TASOR: variants seen among roughly 807,000 people sequenced by gnomAD.
TASOR encodes the protein transcription activation suppressor.
A neutral mutation model predicts 178.6 loss-of-function variants in TASOR; 53 were observed. The observed-to-expected ratio is 0.30, with a 90% CI of 0.24 to 0.37. The LOEUF (loss-of-function observed/expected upper bound fraction) is 0.37, where lower values mean the gene tolerates loss of function less well. Ranked by LOEUF, TASOR falls within the 10% of genes least tolerant of loss-of-function variation. The pLI is 1.00. For missense variants in TASOR, 1,815 were observed against 1,971.4 expected (o/e 0.92, Z 1.50); for synonymous variants, 713 against 696.2 (o/e 1.02, Z -0.38).
intron 11 of TASOR, among the ~76,000 whole-genome samples, chr3:56,659,704 C>T (rs2077551073): frequency 1.3e-5 from 2 of 152,108 alleles, no homozygotes; most frequent in East Asian, 1.9e-4. Context: ...TCAATGCACA[C>T]CCTTGAAAAT....
At position 56,682,867 on chromosome 3, in the gene TASOR, T is replaced by C. The variant is rs1016190148; in HGVS notation, c.140A>G (p.Asn47Ser). The C allele has an allele frequency of 2.3e-5, 35 of 1,549,530 alleles. No homozygotes were observed. The highest frequency in any genetic ancestry group is 3.0e-5 in the Non-Finnish European group (34 of 1,146,380). The change falls in exon 1 of 24, where the codon AAC (asparagine) becomes AGC (serine). Residue 47 changes from asparagine (N) to serine (S), a missense_variant. Asn to Ser is a conservative substitution (Grantham distance 46, BLOSUM62 1). Coordinates refer to ENST00000683822, the MANE Select transcript of TASOR (RefSeq NM_001365635.2). ...SQQNGGGGGLNIAEPSGGAGR... is the reference protein window; with the variant it reads ...SQQNGGGGGLSIAEPSGGAGR... ...AGCGCCGCCGCTGGGCTCAGCGATG[T>C]TGAGGCCGCCGCCGCCGCCATTTTG...
chr3:56,670,761 C>T (rs1023275330), intron 3 of TASOR, among the ~76,000 whole-genome samples: 1 of 151,152 alleles, frequency 6.6e-6, no homozygotes, highest in Admixed American at 6.6e-5. Context: ...CATGGGGAAA[C>T]CCCAACTCTA....
At chr3:56,678,901 C>T (rs2031555083) in intron 1 of TASOR, among the ~76,000 whole-genome samples, 1 of 151,240 alleles carries the variant, frequency 6.6e-6, no homozygotes, top group South Asian at 2.1e-4. Flanking sequence ...ATCCGAACTA[C>T]TGGGGGAGGC....
chr3:56,628,492 C>A lies in TASOR; in HGVS notation c.3870G>T (p.Lys1290Asn). The A allele has an allele frequency of 6.3e-7, 1 of 1,598,656 alleles. No homozygotes were observed. The highest frequency in any genetic ancestry group is 8.5e-7 in the Non-Finnish European group (1 of 1,173,390). ...QNEDIAGFIH[K>N]IPGLVTLKKL... ...TAGTGAATTTGACTTAATAGTCTAC[C>A]TTGTGAATGAAACCTGCAATGTCTT... The change falls in exon 19 of 24, where the codon AAG (lysine) becomes AAT (asparagine). Residue 1290 changes from lysine to asparagine, a missense_variant and splice_region_variant. Coordinates refer to ENST00000683822, the MANE Select transcript of TASOR (RefSeq NM_001365635.2).
chr3:56,627,860 A>C, intron 19 of TASOR, 119 bp from the exon 20 acceptor site: 3 of 818,910 alleles, frequency 3.7e-6, no homozygotes, highest in Non-Finnish European at 5.8e-6. Context: ...ATATTAGTGG[A>C]TTACCTCTGG....
chr3:56,660,560 A>C (rs1197214152), intron 11 of TASOR, among the ~76,000 whole-genome samples, 171 bp downstream of exon 11: 1 of 152,056 alleles, frequency 6.6e-6, no homozygotes, highest in African/African-American at 2.4e-5. Flanking sequence ...CCATGGCCCA[A>C]ATAAAAGAAT....
chr3:56,682,776 G>C lies in TASOR; in HGVS notation c.231C>G (p.Ser77=), dbSNP rs771642376. The change falls in exon 1 of 24, where the codon TCC becomes TCG. Residue 77 remains serine, a synonymous_variant. Transcript: ENST00000683822. ...GCAGGGCGGCCGCGCCCGCCTCAGA[G>C]GAGTCCTGAGGCTGCTCGTGGCTGA... ...QSLSHEQPQD[S]SEAGAAALPR... 6.5e-7 allele frequency: 1 copy of C among 1,549,698 alleles called. No individual in the cohort carries two copies. Among genetic ancestry groups the C allele is most frequent in the African/African-American group, 1.4e-5 (1 of 72,930 alleles).
At chr3:56,682,049 T>G (rs2031838826) in intron 1 of TASOR, among the ~76,000 whole-genome samples, 1 of 152,168 alleles carries the variant, frequency 6.6e-6, no homozygotes, top group Admixed American at 6.5e-5. Context: ...AGTTCGAATT[T>G]AAAGAGAGAA....
At chr3:56,665,216 A>G (rs577708546) in intron 7 of TASOR, among the ~76,000 whole-genome samples, 37 of 152,316 alleles carry the variant, frequency 2.4e-4, no homozygotes, top group Admixed American at 2.2e-3. Context: ...GAAAATCAGA[A>G]TCACCTGGAA....
chr3:56,643,703 C>T (rs1486182127), intron 14 of TASOR, among the ~76,000 whole-genome samples: 2 of 148,982 alleles, frequency 1.3e-5, no homozygotes, highest in Admixed American at 6.8e-5. Context: ...TGCAGTGAGC[C>T]GAGATTGTGC....
chr3:56,677,806 T>C (rs914537882), intron 1 of TASOR, among the ~76,000 whole-genome samples: 4 of 152,200 alleles, frequency 2.6e-5, no homozygotes, highest in Admixed American at 6.5e-5. Flanking sequence ...CTGATTTTAA[T>C]TTTCCTCTAG....
In TASOR at chr3:56,673,326, G is replaced by A. The variant is rs556433238; in HGVS notation, c.477+254C>T. 9.9e-5 allele frequency among the ~76,000 whole-genome samples: 15 copies of A among 150,898 alleles called. No homozygotes were observed. In the East Asian group the frequency reaches 3.0e-3, roughly 30 times the overall value. ...ACATGACTGTAATCCCAGCTACTTTGGAGGCTGAGGCAGGAGAACTGCTTG... is the reference window on the plus strand; with the variant it reads ...ACATGACTGTAATCCCAGCTACTTTAGAGGCTGAGGCAGGAGAACTGCTTG... On this transcript the variant is annotated intron_variant, in intron 2 of 23. Coordinates refer to ENST00000683822, the MANE Select transcript of TASOR (RefSeq NM_001365635.2).
chr3:56,626,930 A>T, intron 21 of TASOR, 107 bp downstream of exon 21: 1 of 654,122 alleles, frequency 1.5e-6, no homozygotes, highest in East Asian at 2.7e-5. Context: ...GGCTATGGAC[A>T]TCTGTGAAAA....
chr3:56,675,741 A>C lies in TASOR; in HGVS notation c.332-2016T>G, dbSNP rs1263833245. On this transcript the variant is annotated intron_variant, in intron 1 of 23. Coordinates refer to ENST00000683822, the MANE Select transcript of TASOR (RefSeq NM_001365635.2). ...ATAAGGGTCAAGAATGTAACAGTCAAAACAGGTCACTACTGAAAACATAAT... is the reference window on the plus strand; with the variant it reads ...ATAAGGGTCAAGAATGTAACAGTCACAACAGGTCACTACTGAAAACATAAT... Among the ~76,000 whole-genome samples, 4 of 152,338 alleles carry C rather than the reference A, an allele frequency of 2.6e-5. No homozygotes were observed. The South Asian group carries it at 8.3e-4, about 32-fold the overall frequency.
In TASOR at chr3:56,623,030, A is replaced by C; in HGVS notation, c.*7T>G. ...ACAACAATCTCTTAAAAAAAAAGTTACTACAGTTATTTCTCTTGTGAATAT... is the reference window on the plus strand; with the variant it reads ...ACAACAATCTCTTAAAAAAAAAGTTCCTACAGTTATTTCTCTTGTGAATAT... On this transcript the variant is annotated 3_prime_UTR_variant, in exon 24 of 24. Coordinates refer to ENST00000683822, the MANE Select transcript of TASOR (RefSeq NM_001365635.2). The C allele has an allele frequency of 6.7e-7, 1 of 1,499,280 alleles. No individual in the cohort carries two copies. Among genetic ancestry groups the C allele is most frequent in the Non-Finnish European group, 8.9e-7 (1 of 1,125,022 alleles). 92.9% of individuals were successfully genotyped at this position (1,499,280 alleles called of 1,614,324 possible). A position where few individuals can be genotyped will look rare whatever the true frequency, so the allele number is the denominator to read the frequency against.
intron 14 of TASOR, among the ~76,000 whole-genome samples, chr3:56,644,224 A>C (rs1331741825): frequency 6.6e-6 from 1 of 152,164 alleles, no homozygotes; most frequent in Non-Finnish European, 1.5e-5. Flanking sequence ...TCATCTGCAA[A>C]ATTAGGATAA....
In TASOR at chr3:56,628,613, T is replaced by G. The variant is rs1397311914; in HGVS notation, c.3749A>C (p.Glu1250Ala). Reference sequence around the variant, plus strand: ...TGTATTGCCTAATTTGATAAGATATTCCTGTTAAAGAAAAACAACTAAATC... The same window carrying G: ...TGTATTGCCTAATTTGATAAGATATGCCTGTTAAAGAAAAACAACTAAATC... ...EESVLCKEIKEYLIKLGNTEC... is the reference protein window; with the variant it reads ...EESVLCKEIKAYLIKLGNTEC... Residue 1250 changes from glutamate to alanine, a missense_variant and splice_region_variant, in exon 19 of 24, where the codon GAA becomes GCA. Glu to Ala is a moderately radical substitution (Grantham distance 107). Around this residue, in one of 5 missense-constraint regions of TASOR, gnomAD observed 655 missense variants for 671.1 expected, o/e 0.98. Transcript: ENST00000683822. 3 of 1,538,488 alleles carry G rather than the reference T, an allele frequency of 1.9e-6. No homozygotes were observed. In the South Asian group the frequency reaches 3.6e-5, roughly 19 times the overall value.
intron 14 of TASOR, among the ~76,000 whole-genome samples, chr3:56,643,217 C>T (rs1370236461): frequency 6.0e-5 from 9 of 150,940 alleles, no homozygotes; most frequent in East Asian, 2.0e-4. Flanking sequence ...GAGCCGAGAT[C>T]GGGTCACTGC....
chr3:56,666,425 C>A, intron 6 of TASOR, 41 bp from the exon 7 acceptor site: 3 of 1,405,938 alleles, frequency 2.1e-6, no homozygotes, highest in Middle Eastern at 2.5e-4. Flanking sequence ...TTTAAAAAGG[C>A]AAGGTGAAAC....
Sources: allele counts gnomAD v4.1 joint callset (sites outside exome capture counted in the v4.1 genomes callset), GRCh38; gene constraint gnomAD v4.1.1; regional missense constraint gnomAD v4.1.1; transcripts MANE v1.5; gene names NCBI Gene and HGNC (gene_info 2026-07-23, HGNC 2026-07-21).